Variants in TMEM67 observed in about 807,000 individuals in gnomAD.
TMEM67 encodes the protein meckelin.
TMEM67 carries 124 observed loss-of-function variants against 136.6 expected under a neutral mutation model. The ratio of observed to expected loss-of-function variants is 0.91; its 90% confidence interval spans 0.78 to 1.05. The LOEUF (loss-of-function observed/expected upper bound fraction) is 1.05, where lower values mean the gene tolerates loss of function less well. Ranked by LOEUF, TMEM67 falls within the 50% of genes least tolerant of loss-of-function variation. The pLI is 0.00. For missense variants in TMEM67, 1,107 were observed against 1,178.4 expected (o/e 0.94, Z 0.89); for synonymous variants, 364 against 390.5 (o/e 0.93, Z 0.80).
At chr8:93,831,654 A>G in the TMEM67 span, among the ~76,000 whole-genome samples, 1 of 152,068 alleles carries the variant, frequency 6.6e-6, no homozygotes, top group South Asian at 2.1e-4. Context: ...GAAGGTGTGC[A>G]TGAGTGCATG....
At position 93,777,191 on chromosome 8, in the gene TMEM67, G is replaced by A. The variant is rs530160044; in HGVS notation, c.715-3402G>A. On this transcript the variant is annotated intron_variant, in intron 7 of 27. Transcript: ENST00000453321. ...TAGTTTGTATTTCTGTGGGATCGGT[G>A]GTGATATCGCCTTTATCATTTTTTA... Among the ~76,000 whole-genome samples the A allele has an allele frequency of 9.2e-5, 14 of 152,182 alleles. No individual in the cohort carries two copies. The South Asian group carries it at 2.9e-3, about 32-fold the overall frequency.
At chr8:93,821,159 C>T (rs775142310), downstream of TMEM67, among the ~76,000 whole-genome samples, 1 of 152,152 alleles carries the variant, frequency 6.6e-6, no homozygotes, top group Non-Finnish European at 1.5e-5. Flanking sequence ...ATGCATACCT[C>T]TATGTCACAC....
chr8:93,770,047 C>T (rs1813263599), intron 6 of TMEM67, among the ~76,000 whole-genome samples: 1 of 152,178 alleles, frequency 6.6e-6, no homozygotes, highest in South Asian at 2.1e-4. Flanking sequence ...CATTCCCTTT[C>T]CCTCAAATAC....
At chr8:93,783,830 C>G (rs1159779995) in intron 11 of TMEM67, among the ~76,000 whole-genome samples, 2 of 152,176 alleles carry the variant, frequency 1.3e-5, no homozygotes, top group African/African-American at 4.8e-5. Flanking sequence ...CTCATGAGAA[C>G]TCACTCACTA....
At chr8:93,761,721 AT>A (rs1436263468) in intron 3 of TMEM67, among the ~76,000 whole-genome samples, 1 of 152,234 alleles carries the variant, frequency 6.6e-6, no homozygotes, top group African/African-American at 2.4e-5. Context: ...AAAAAGCAAG[AT>A]TTGGAATAAT....
Position 93,780,731 on chromosome 8 carries a change from C to A in TMEM67, c.853C>A (p.His285Asn). 6.2e-7 allele frequency: 1 copy of A among 1,613,884 alleles called. No individual in the cohort carries two copies. The highest frequency in any genetic ancestry group is 1.1e-5 in the South Asian group (1 of 91,060). ...AAATACTGCTGGACTGAGCACTGTT[C>A]ATTCTATTTCATTTTGGTAAGGATA... ...FENTAGLSTV[H>N]SISFWRQNLP... is the part of the protein sequence containing the mutation. The change falls in exon 8 of 28, where the codon CAT (histidine) becomes AAT (asparagine). Residue 285 changes from histidine (H) to asparagine (N), a missense_variant. Coordinates refer to ENST00000453321, the MANE Select transcript of TMEM67 (RefSeq NM_153704.6).
intron 7 of TMEM67, among the ~76,000 whole-genome samples, chr8:93,776,982 G>A (rs1031388767): frequency 6.6e-6 from 1 of 152,074 alleles, no homozygotes; most frequent in Non-Finnish European, 1.5e-5. Context: ...ATCTGGTCCT[G>A]GACTTTTTTT....
intron 1 of TMEM67, 36 bp from the exon 2 acceptor site, chr8:93,755,742 T>C (rs2130527191): frequency 7.6e-7 from 1 of 1,317,524 alleles, no homozygotes; most frequent in Non-Finnish European, 1.0e-6. Flanking sequence ...TTATCAAGGA[T>C]AAAATTGGCT....
At chr8:93,766,388 G>A (rs1400894458) in intron 6 of TMEM67, among the ~76,000 whole-genome samples, 1 of 152,186 alleles carries the variant, frequency 6.6e-6, no homozygotes, top group Non-Finnish European at 1.5e-5. Context: ...AAAGTGCTGG[G>A]ATTACATGCA....
At chr8:93,759,893 C>T in intron 3 of TMEM67, 2 of 1,230,250 alleles carry the variant, frequency 1.6e-6, no homozygotes, top group South Asian at 1.4e-5. Flanking sequence ...AGGTGATCTG[C>T]CTGCCTCAGC....
At chr8:93,785,023 A>G (rs1156752469) in intron 11 of TMEM67, among the ~76,000 whole-genome samples, 199 bp from the exon 12 acceptor site, 3 of 152,214 alleles carry the variant, frequency 2.0e-5, no homozygotes, top group African/African-American at 2.4e-5. Flanking sequence ...TAAAATAATC[A>G]TAGTATTCAT....
intron 21 of TMEM67, among the ~76,000 whole-genome samples, chr8:93,800,905 C>T (rs1025795255): frequency 1.3e-5 from 2 of 151,566 alleles, no homozygotes; most frequent in Admixed American, 6.6e-5. Flanking sequence ...ATTGCTCGTA[C>T]CCCTTGTGGA....
chr8:93,774,586 C>T (rs1813460228), intron 7 of TMEM67, among the ~76,000 whole-genome samples: 1 of 152,134 alleles, frequency 6.6e-6, no homozygotes, highest in African/African-American at 2.4e-5. Context: ...TGAATTCCCA[C>T]CTATGAGAGA....
chr8:93,789,834 G>A (rs1342932312), intron 14 of TMEM67, among the ~76,000 whole-genome samples: 1 of 151,906 alleles, frequency 6.6e-6, no homozygotes, highest in Non-Finnish European at 1.5e-5. Context: ...ACTATGGGAG[G>A]CTGAGGCAGG....
intron 7 of TMEM67, among the ~76,000 whole-genome samples, chr8:93,778,655 T>G (rs1246046880): frequency 6.6e-6 from 1 of 152,238 alleles, no homozygotes; most frequent in African/African-American, 2.4e-5. Flanking sequence ...TTGAAAATTC[T>G]TTTCTTTAAG....
At chr8:93,771,273 T>G (rs1224296411) in intron 6 of TMEM67, among the ~76,000 whole-genome samples, 4 of 152,024 alleles carry the variant, frequency 2.6e-5, no homozygotes, top group Admixed American at 6.5e-5. Flanking sequence ...AAAAAAAGCT[T>G]TATTATGAAC....
chr8:93,779,385 G>T (rs1320865470), intron 7 of TMEM67, among the ~76,000 whole-genome samples: 3 of 152,118 alleles, frequency 2.0e-5, no homozygotes, highest in Non-Finnish European at 2.9e-5. Context: ...TCTCCATCCA[G>T]CTTTGTTCTG....
chr8:93,755,096 C>A lies in TMEM67; in HGVS notation c.182C>A (p.Ser61Ter), dbSNP rs746906232. 1 of 1,614,188 alleles carries A rather than the reference C, an allele frequency of 6.2e-7. No homozygotes were observed. Among genetic ancestry groups the A allele is most frequent in the Non-Finnish European group, 8.5e-7 (1 of 1,180,044 alleles). The change falls in exon 1 of 28, where the codon TCG becomes TAG. Residue 61 changes from serine (S) to a stop codon, truncating the protein, a stop_gained. Coordinates refer to ENST00000453321, the MANE Select transcript of TMEM67 (RefSeq NM_153704.6). LOFTEE classifies it high-confidence loss of function. Reference protein sequence around the residue: ...NNQYFDISALSCVPCGANQRQ... With the variant: ...NNQYFDISAL ...CAGTACTTTGATATCTCCGCCCTCTCGTGTGTTCCTTGTGGAGCTAACCAG... is the reference window on the plus strand; with the variant it reads ...CAGTACTTTGATATCTCCGCCCTCTAGTGTGTTCCTTGTGGAGCTAACCAG...
chr8:93,806,048 G>A (rs1053957557), intron 23 of TMEM67, among the ~76,000 whole-genome samples: 26 of 152,116 alleles, frequency 1.7e-4, no homozygotes, highest in African/African-American at 5.3e-4. Context: ...AAATACAAGC[G>A]ATAAAGGGAC....
Sources: gnomAD v4.1 joint callset for allele counts (sites outside exome capture counted in the v4.1 genomes callset) on GRCh38, gnomAD v4.1.1 for gene constraint, MANE v1.5 for transcripts, NCBI Gene and HGNC (gene_info 2026-07-23, HGNC 2026-07-21) for gene names.